The following RAD51B variants were observed in gnomAD, a reference collection of about 807,000 sequenced individuals.
RAD51B encodes DNA repair protein RAD51 homolog 2.
In RAD51B, 38 loss-of-function variants were observed where a neutral mutation model predicts 42.2. That is an observed-to-expected ratio of 0.90 (90% CI 0.70 to 1.18). The LOEUF is 1.18. Ranked by LOEUF, RAD51B falls within the 50% of genes most tolerant of loss-of-function variation. The pLI, the probability that RAD51B is intolerant of heterozygous loss-of-function variation, is 0.00. For synonymous variants in RAD51B, 154 were observed against 145.2 expected (o/e 1.06, Z -0.43); for missense variants, 373 against 400.7 (o/e 0.93, Z 0.59).
intron 10 of RAD51B, among the ~76,000 whole-genome samples, chr14:68,489,110 C>A (rs887206296): frequency 2.0e-5 from 3 of 150,950 alleles, no homozygotes; most frequent in Non-Finnish European, 4.4e-5. Flanking sequence ...CACGCCACCA[C>A]GCCTGGCTAA....
chr14:68,320,262 C>A (rs2082133305), intron 8 of RAD51B, among the ~76,000 whole-genome samples: 1 of 152,214 alleles, frequency 6.6e-6, no homozygotes, highest in South Asian at 2.1e-4. Context: ...ACGCAGAAAT[C>A]TGGGCACTAG....
At chr14:68,561,152 T>C (rs1889127659) in intron 10 of RAD51B, among the ~76,000 whole-genome samples, 1 of 152,196 alleles carries the variant, frequency 6.6e-6, no homozygotes, top group Non-Finnish European at 1.5e-5. Context: ...AGCTGAGAAC[T>C]CCCATGCTGG....
chr14:68,388,356 C>T (rs1029254051), intron 8 of RAD51B, among the ~76,000 whole-genome samples: 4 of 151,994 alleles, frequency 2.6e-5, no homozygotes, highest in Non-Finnish European at 4.4e-5. Context: ...CCTTGGCCTC[C>T]CAAAGTGCTG....
At chr14:68,620,237 C>T (rs953049873) in intron 10 of RAD51B, among the ~76,000 whole-genome samples, 1 of 152,166 alleles carries the variant, frequency 6.6e-6, no homozygotes, top group Non-Finnish European at 1.5e-5. Flanking sequence ...AAGAACTAGG[C>T]AGGTTATTGG....
At chr14:67,921,547 T>A (rs1193033923) in intron 7 of RAD51B, among the ~76,000 whole-genome samples, 5 of 150,312 alleles carry the variant, frequency 3.3e-5, no homozygotes, top group Admixed American at 2.7e-4. Flanking sequence ...ATTTCCTATG[T>A]GCATGTACAT....
intron 7 of RAD51B, among the ~76,000 whole-genome samples, chr14:68,226,075 G>C (rs1345329287): frequency 1.3e-5 from 2 of 152,172 alleles, no homozygotes; most frequent in Non-Finnish European, 2.9e-5. Flanking sequence ...AGATGGCAGG[G>C]AGGAGCAAGT....
intron 10 of RAD51B, among the ~76,000 whole-genome samples, chr14:68,604,468 T>C (rs1891361493): frequency 6.6e-6 from 1 of 152,246 alleles, no homozygotes; most frequent in Non-Finnish European, 1.5e-5. Flanking sequence ...CAGGCGGGGC[T>C]GCCTTTTGTC....
intron 7 of RAD51B, among the ~76,000 whole-genome samples, chr14:67,926,787 C>T (rs2044527447): frequency 6.6e-6 from 1 of 152,046 alleles, no homozygotes; most frequent in African/African-American, 2.4e-5. Context: ...TGGTCTCGAA[C>T]TCCCAACTTT....
chr14:68,371,665 C>T (rs2083268126), intron 8 of RAD51B, among the ~76,000 whole-genome samples: 1 of 152,192 alleles, frequency 6.6e-6, no homozygotes, highest in Non-Finnish European at 1.5e-5. Context: ...GCAACAAACA[C>T]AGTGAGACCC....
At chr14:68,644,076 C>T (rs1171883616) in intron 10 of RAD51B, among the ~76,000 whole-genome samples, 1 of 152,148 alleles carries the variant, frequency 6.6e-6, no homozygotes, top group Non-Finnish European at 1.5e-5. Context: ...GCAATAATTC[C>T]CTCTCCTCCC....
chr14:68,239,166 C>T (rs753368501), intron 7 of RAD51B, among the ~76,000 whole-genome samples: 11 of 152,150 alleles, frequency 7.2e-5, no homozygotes, highest in Non-Finnish European at 1.3e-4. Flanking sequence ...CTGAGGAAAA[C>T]GCCTCCACTC....
At chr14:68,158,306 G>A (rs1036428419) in intron 7 of RAD51B, among the ~76,000 whole-genome samples, 1 of 152,188 alleles carries the variant, frequency 6.6e-6, no homozygotes, top group African/African-American at 2.4e-5. Context: ...TGGCACTATG[G>A]ACTGGACCCA....
chr14:68,456,611 A>G (rs2085692693), intron 9 of RAD51B, among the ~76,000 whole-genome samples: 1 of 152,160 alleles, frequency 6.6e-6, no homozygotes, highest in East Asian at 1.9e-4. Context: ...TTGAAGGGAG[A>G]AATAGAAATT....
chr14:68,482,497 GA>G (rs1184627591), downstream of RAD51B, among the ~76,000 whole-genome samples: 2 of 152,170 alleles, frequency 1.3e-5, no homozygotes, highest in African/African-American at 4.8e-5. Context: ...TAGGTAATGG[GA>G]GAAAAGTGAG....
intron 7 of RAD51B, among the ~76,000 whole-genome samples, chr14:68,097,452 A>G (rs918493494): frequency 1.3e-5 from 2 of 152,166 alleles, no homozygotes; most frequent in African/African-American, 4.8e-5. Flanking sequence ...TTCAAATGAC[A>G]CTTCAGACCA....
chr14:67,942,049 AAG>A (rs1197696768), intron 7 of RAD51B, among the ~76,000 whole-genome samples: 1 of 152,214 alleles, frequency 6.6e-6, no homozygotes, highest in East Asian at 1.9e-4. Flanking sequence ...AAATGTAGTA[AAG>A]AGAGGAAAAG....
chr14:68,361,459 C>T (rs1010973524), intron 8 of RAD51B, among the ~76,000 whole-genome samples: 3 of 152,180 alleles, frequency 2.0e-5, no homozygotes, highest in Admixed American at 1.3e-4. Context: ...TCAAGAGCCA[C>T]TGCTTTTACA....
chr14:67,886,851 C>T (rs2043074953), intron 6 of RAD51B, 170 bp from the exon 7 acceptor site: 2 of 433,252 alleles, frequency 4.6e-6, no homozygotes, highest in East Asian at 7.2e-5. Context: ...GCTCTGTTTC[C>T]AGAAAAGTAT....
At chr14:68,294,003 T>C (rs9806028) in intron 8 of RAD51B, among the ~76,000 whole-genome samples, 2,762 of 152,286 alleles carry the variant, frequency 0.018, 80 homozygotes, top group African/African-American at 0.059. Context: ...AAAATTGTTA[T>C]AATTATTACA....
Sources: gnomAD v4.1 joint callset for allele counts (sites outside exome capture counted in the v4.1 genomes callset) on GRCh38, gnomAD v4.1.1 for gene constraint, MANE v1.5 for transcripts, NCBI Gene and HGNC (gene_info 2026-07-23, HGNC 2026-07-21) for gene names.